MACO1: variants seen among roughly 807,000 people sequenced by gnomAD.
MACO1 encodes macoilin.
MACO1 carries 14 observed loss-of-function variants against 78.7 expected under a neutral mutation model. The ratio of observed to expected loss-of-function variants is 0.18; its 90% CI spans 0.12 to 0.28. MACO1 has a LOEUF of 0.28. Among genes scored for constraint, MACO1 ranks in the 10% least tolerant of loss-of-function variants. The probability of loss-of-function intolerance (pLI) is 1.00; values close to 1 mark genes in which losing one functional copy is unlikely to be tolerated. For synonymous variants in MACO1, 288 were observed against 291.6 expected (o/e 0.99, Z 0.12); for missense variants, 501 against 799.0 (o/e 0.63, Z 4.50).
chr1:25,452,291 A>T (rs1183078088), intron 3 of MACO1, among the ~76,000 whole-genome samples: 1 of 152,216 alleles, frequency 6.6e-6, no homozygotes, highest in Admixed American at 6.5e-5. Flanking sequence ...CATGTAGTCC[A>T]CATTCATAAA....
In MACO1 at chr1:25,468,728, G is replaced by A. The variant is rs558186330; in HGVS notation, c.1154+9836G>A. On this transcript the variant is annotated intron_variant, in intron 6 of 10. Transcript: ENST00000374343. ...AGGAAATGGGGAAAACATTGCTCAG[G>A]ATTTTTTCAGGAATCTCTAAGCAAC... is the stretch of plus-strand genomic sequence containing the variant. 2.0e-5 allele frequency among the ~76,000 whole-genome samples: 3 copies of A among 152,096 alleles called. No homozygotes were observed. In the East Asian group the frequency reaches 5.8e-4, roughly 29 times the overall value.
intron 6 of MACO1, among the ~76,000 whole-genome samples, chr1:25,464,666 C>CG (rs2043201235): frequency 3.0e-5 from 3 of 101,104 alleles, no homozygotes; most frequent in South Asian, 1.3e-3. Context: ...CCCCACCCCC[C>CG]CCCTCCGCGA....
chr1:25,483,314 G>A (rs993181126), intron 6 of MACO1, among the ~76,000 whole-genome samples: 1 of 152,202 alleles, frequency 6.6e-6, no homozygotes, highest in East Asian at 1.9e-4. Context: ...GGCTCCCAAA[G>A]TGCTGGGATT....
intron 6 of MACO1, among the ~76,000 whole-genome samples, chr1:25,478,318 T>G (rs2043341042): frequency 6.6e-6 from 1 of 152,230 alleles, no homozygotes; most frequent in Non-Finnish European, 1.5e-5. Context: ...TCAAAGATAT[T>G]TTTCCTCTTT....
intron 5 of MACO1, 86 bp from the exon 6 acceptor site, chr1:25,458,305 T>G: frequency 2.7e-6 from 4 of 1,493,152 alleles, no homozygotes; most frequent in Non-Finnish European, 3.6e-6. Context: ...GTGTAGATAA[T>G]AGTTTGTTGA....
chr1:25,456,620 C>T, intron 4 of MACO1, 33 bp from the exon 5 acceptor site: 1 of 1,599,904 alleles, frequency 6.3e-7, no homozygotes, highest in South Asian at 1.1e-5. Context: ...CATTTTAAAC[C>T]TACAATTACT....
intron 10 of MACO1, among the ~76,000 whole-genome samples, chr1:25,492,096 G>A (rs553733532): frequency 2.8e-4 from 42 of 152,260 alleles, no homozygotes; most frequent in Non-Finnish European, 5.1e-4. Flanking sequence ...GAGCTAGTGG[G>A]ACTTGATGTG....
At chr1:25,494,828 C>T (rs2043520350) in intron 10 of MACO1, among the ~76,000 whole-genome samples, 1 of 152,034 alleles carries the variant, frequency 6.6e-6, no homozygotes, top group Non-Finnish European at 1.5e-5. Context: ...GAAGGTACTC[C>T]CCAGAAACCC....
At chr1:25,457,374 A>G (rs1440886304) in intron 5 of MACO1, among the ~76,000 whole-genome samples, 1 of 152,036 alleles carries the variant, frequency 6.6e-6, no homozygotes, top group Admixed American at 6.6e-5. Context: ...CACCTTCTGA[A>G]GTGTAGGGAT....
chr1:25,475,210 T>C (rs756589029), intron 6 of MACO1, among the ~76,000 whole-genome samples: 16 of 151,764 alleles, frequency 1.1e-4, no homozygotes, highest in Non-Finnish European at 1.6e-4. Flanking sequence ...CCGGGCAAGG[T>C]GGCGGGTGCC....
chr1:25,448,742 C>T (rs2043038298), intron 2 of MACO1, 66 bp from the exon 3 acceptor site: 10 of 1,387,882 alleles, frequency 7.2e-6, no homozygotes, highest in Non-Finnish European at 8.6e-6. Flanking sequence ...ATGTGTTTAA[C>T]AATGTGTGGT....
chr1:25,484,899 G>T (rs2043415819), intron 7 of MACO1, among the ~76,000 whole-genome samples: 1 of 152,166 alleles, frequency 6.6e-6, no homozygotes, highest in South Asian at 2.1e-4. Flanking sequence ...TTTAAGGAAT[G>T]TAACTCAAAA....
intron 6 of MACO1, among the ~76,000 whole-genome samples, chr1:25,464,323 ATTTCT>A (rs1002064908): frequency 7.2e-5 from 10 of 138,956 alleles, no homozygotes; most frequent in African/African-American, 2.4e-4. Flanking sequence ...GTCTTCTATA[ATTTCT>A]TTTTCTTCTC....
intron 3 of MACO1, among the ~76,000 whole-genome samples, chr1:25,450,042 C>T (rs779376429): frequency 3.9e-5 from 6 of 152,040 alleles, no homozygotes; most frequent in Non-Finnish European, 7.4e-5. Flanking sequence ...CAAAACAACA[C>T]AAAATAAAAA....
At chr1:25,467,675 C>T (rs1393117728) in intron 6 of MACO1, among the ~76,000 whole-genome samples, 1 of 150,958 alleles carries the variant, frequency 6.6e-6, no homozygotes, top group Non-Finnish European at 1.5e-5. Context: ...GAAATGTATC[C>T]AGAGTTTGCT....
intron 1 of MACO1, among the ~76,000 whole-genome samples, chr1:25,438,083 A>G (rs1439328917): frequency 6.6e-6 from 1 of 152,244 alleles, no homozygotes; most frequent in Non-Finnish European, 1.5e-5. Context: ...ACATTTTTAT[A>G]AAGGTCTGTA....
intron 6 of MACO1, among the ~76,000 whole-genome samples, chr1:25,475,110 C>T (rs1428702897): frequency 2.6e-5 from 4 of 152,060 alleles, no homozygotes; most frequent in Admixed American, 2.0e-4. Flanking sequence ...TTTGGGAGGC[C>T]GAGGCGGGCG....
intron 10 of MACO1, among the ~76,000 whole-genome samples, chr1:25,494,502 G>A (rs889945265): frequency 6.6e-6 from 1 of 152,266 alleles, no homozygotes; most frequent in Middle Eastern, 3.4e-3. Flanking sequence ...ATACTAGAGA[G>A]GGTATTCCCT....
At chr1:25,482,417 G>A (rs977133734) in intron 6 of MACO1, among the ~76,000 whole-genome samples, 1 of 152,098 alleles carries the variant, frequency 6.6e-6, no homozygotes, top group African/African-American at 2.4e-5. Flanking sequence ...CTATCTACCA[G>A]ATCTGTTCTA....
Sources: gnomAD v4.1 joint callset for allele counts (sites outside exome capture counted in the v4.1 genomes callset) on GRCh38, gnomAD v4.1.1 for gene constraint, MANE v1.5 for transcripts, NCBI Gene and HGNC (gene_info 2026-07-23, HGNC 2026-07-21) for gene names.